Variants in PALB2 observed in about 807,000 individuals in gnomAD.
PALB2 encodes the protein partner and localizer of BRCA2, also known as mutant partner and localizer of BRCA2.
In PALB2, 82 loss-of-function variants were observed where a neutral mutation model predicts 107.4. The ratio of observed to expected loss-of-function variants is 0.76; its 90% CI spans 0.64 to 0.92. The LOEUF (loss-of-function observed/expected upper bound fraction) is 0.92. PALB2 is among the 40% of genes least tolerant of loss of function. The pLI, the probability that PALB2 is intolerant of heterozygous loss-of-function variation, is 0.00. For synonymous variants in PALB2, 489 were observed against 496.8 expected, an observed-to-expected ratio of 0.98 and a Z score of 0.21; for missense variants, 1,374 against 1,379.9, an observed-to-expected ratio of 1.00 and a Z score of 0.07.
rs515726108 is a variant in PALB2 at position 23,636,231 on chromosome 16, C to G, written c.315G>C (p.Glu105Asp). 3.3e-5 allele frequency: 53 copies of G among 1,613,684 alleles called. No homozygotes were observed. The highest frequency in any genetic ancestry group is 1.6e-4 in the East Asian group (7 of 44,884). ...CTGGGCCATCTCCAGGGTTAAAGGA[C>G]TCAGGCCCAACATCAAGTGTGATAG... ...KTSITLDVGP[E>D]SFNPGDGPGG... Residue 105 changes from glutamate to aspartate, a missense_variant, in exon 4 of 13, where the codon GAG (glutamate) becomes GAC (aspartate). Transcript: ENST00000261584.
In PALB2 at chr16:23,629,964, G is replaced by A. The variant is rs958771546; in HGVS notation, c.2190C>T (p.Ile730=). The change falls in exon 5 of 13, where the codon ATC becomes ATT. Residue 730 remains isoleucine (I), a synonymous_variant. Coordinates refer to ENST00000261584, the MANE Select transcript of PALB2 (RefSeq NM_024675.4). The part of the protein sequence containing the change: ...TTDMCSPAFP[I]LGTTPAFGPQ... ...GGCCAAAGGCTGGAGTAGTACCTAA[G>A]ATGGGGAAAGCAGGTGAACACATGT... 6.2e-7 allele frequency: 1 copy of A among 1,614,110 alleles called. No individual in the cohort carries two copies. Among genetic ancestry groups the A allele is most frequent in the South Asian group, 1.1e-5 (1 of 91,084 alleles).
intron 6 of PALB2, among the ~76,000 whole-genome samples, chr16:23,628,658 G>A (rs1025879009): frequency 6.6e-5 from 10 of 152,024 alleles, no homozygotes; most frequent in Admixed American, 3.3e-4. Flanking sequence ...TTTTATTTTT[G>A]AGACAGAGTC....
At chr16:23,615,733 C>G (rs566724694) in intron 10 of PALB2, among the ~76,000 whole-genome samples, 2 of 151,994 alleles carry the variant, frequency 1.3e-5, no homozygotes, top group Non-Finnish European at 2.9e-5. Flanking sequence ...GGCACAGCCT[C>G]GGCTCACTGC....
chr16:23,624,943 T>C (rs962842052), intron 7 of PALB2, among the ~76,000 whole-genome samples: 4 of 152,082 alleles, frequency 2.6e-5, no homozygotes, highest in Admixed American at 1.3e-4. Context: ...AGAAGCAAAA[T>C]AATGCCTTGG....
rs1310569612 is a variant in PALB2, at chr16:23,635,754, G to T, written c.792C>A (p.His264Gln). 1 of 1,614,124 alleles carries T rather than the reference G, an allele frequency of 6.2e-7. No homozygotes were observed. Among genetic ancestry groups the T allele is most frequent in the South Asian group, 1.1e-5 (1 of 91,086 alleles). Residue 264 changes from histidine to glutamine, a missense_variant, in exon 4 of 13, where the codon CAC (histidine) becomes CAA (glutamine). Transcript: ENST00000261584. The stretch of plus-strand genomic sequence containing the variant: ...GTTCACTGCTACCTTTAGGAGGAAT[G>T]TGTTCAAGGTGCTGACTACTACCGC... ...SDSGSSQHLE[H>Q]IPPKGSSELT... is the part of the protein sequence containing the mutation.
intron 7 of PALB2, among the ~76,000 whole-genome samples, chr16:23,624,617 G>C (rs906697868): frequency 5.3e-5 from 8 of 152,112 alleles, no homozygotes; most frequent in Non-Finnish European, 1.0e-4. Flanking sequence ...GGGTTCAAGC[G>C]ATTCTCCTGC....
chr16:23,631,765 G>T (rs1966880034), intron 4 of PALB2, among the ~76,000 whole-genome samples: 1 of 152,208 alleles, frequency 6.6e-6, no homozygotes, highest in Non-Finnish European at 1.5e-5. Context: ...CAGGCTGCCA[G>T]AGTATGTTCT....
intron 4 of PALB2, among the ~76,000 whole-genome samples, chr16:23,634,496 TA>T (rs1966933533): frequency 6.6e-6 from 1 of 151,998 alleles, no homozygotes; most frequent in Non-Finnish European, 1.5e-5. Flanking sequence ...CAAAAAATTT[TA>T]AAACATTAGC....
Position 23,603,337 on chromosome 16 carries a change from T to C in PALB2, c.*122A>G. The C allele has an allele frequency of 1.3e-6, 1 of 794,654 alleles. No individual in the cohort carries two copies. The highest frequency in any genetic ancestry group is 1.5e-5 in the South Asian group (1 of 66,888). 49.2% of individuals were successfully genotyped at this position (794,654 alleles called of 1,614,324 possible). ...ATCATTAGAATAAAAAATAAGTCTG[T>C]CTGGACATAAACAAGCAATCATTTT... is the stretch of plus-strand genomic sequence containing the variant. On this transcript the variant is annotated 3_prime_UTR_variant, in exon 13 of 13. Transcript: ENST00000261584.
At chr16:23,626,532 G>A in intron 6 of PALB2, 135 bp from the exon 7 acceptor site, 1 of 991,942 alleles carries the variant, frequency 1.0e-6, no homozygotes, top group South Asian at 1.5e-5. Flanking sequence ...CAGGTGAAAA[G>A]AAAGAGCTTT....
At chr16:23,639,228 T>A (rs1597102723) in intron 1 of PALB2, among the ~76,000 whole-genome samples, 3 of 151,778 alleles carry the variant, frequency 2.0e-5, no homozygotes, top group East Asian at 1.9e-4. Flanking sequence ...ATGCCTTTTT[T>A]AAAAAAAAGA....
intron 10 of PALB2, chr16:23,617,623 T>C (rs1449004000): frequency 6.6e-6 from 1 of 151,806 alleles, no homozygotes; most frequent in African/African-American, 2.4e-5. Flanking sequence ...CATGCATCTG[T>C]AGTCCTGCTA....
intron 10 of PALB2, among the ~76,000 whole-genome samples, chr16:23,614,514 A>G (rs1371432772): frequency 6.6e-6 from 1 of 152,196 alleles, no homozygotes; most frequent in African/African-American, 2.4e-5. Flanking sequence ...TTACAATTAT[A>G]TCTCTATTAC....
Position 23,635,878 on chromosome 16 carries a change from A to G in PALB2, c.668T>C (p.Ile223Thr), listed in dbSNP as rs150517167. 9.3e-6 allele frequency: 15 copies of G among 1,614,190 alleles called. No individual in the cohort carries two copies. The African/African-American group carries it at 2.0e-4, about 22-fold the overall frequency. Residue 223 changes from isoleucine to threonine, a missense_variant, in exon 4 of 13, where the codon ATT (isoleucine) becomes ACT (threonine). By Grantham distance (89) the Ile-to-Thr change is moderately conservative (BLOSUM62 -1). Transcript: ENST00000261584. ...VTEINEDSVL[I>T]PPTAQPEKGV... is the part of the protein sequence containing the mutation. Reference sequence around the variant, plus strand: ...TTTTTCTGGTTGGGCAGTTGGTGGAATTAATACACTGTCTTCATTAATTTC... The same window carrying G: ...TTTTTCTGGTTGGGCAGTTGGTGGAGTTAATACACTGTCTTCATTAATTTC...
chr16:23,617,164 T>C (rs761418742), intron 10 of PALB2, among the ~76,000 whole-genome samples: 5 of 152,106 alleles, frequency 3.3e-5, no homozygotes. Context: ...AAAAAGCCAC[T>C]TGACACTTGA....
chr16:23,638,366 C>G (rs1967119307), intron 1 of PALB2: 1 of 583,526 alleles, frequency 1.7e-6, no homozygotes, highest in Non-Finnish European at 3.1e-6. Flanking sequence ...TTCCTCAAAC[C>G]TTAGCTTAGA....
rs753767237 is a variant in PALB2, at chr16:23,624,094, C to G, written c.2749G>C (p.Val917Leu). 1 of 1,601,904 alleles carries G rather than the reference C, an allele frequency of 6.2e-7. No homozygotes were observed. Among genetic ancestry groups the G allele is most frequent in the East Asian group, 2.2e-5 (1 of 44,790 alleles). The change falls in exon 8 of 13, where the codon GTT becomes CTT. Residue 917 changes from valine (V) to leucine (L), a missense_variant and splice_region_variant. Physicochemically the swap from Val to Leu is conservative, Grantham distance 32. Coordinates refer to ENST00000261584, the MANE Select transcript of PALB2 (RefSeq NM_024675.4). ...ACTGGAACTATCTGTAATACTGGAA[C>G]CTAAATAAAACAAAGCAGCCAAAAA... ...EKLYTWHFAE[V>L]PVLQIVPVPD...
At position 23,612,760 on chromosome 16, in the gene PALB2, T is replaced by C. The variant is rs368722477; in HGVS notation, c.3201+1244A>G. Among the ~76,000 whole-genome samples the C allele has an allele frequency of 2.1e-4, 32 of 152,070 alleles. No homozygotes were observed. In the East Asian group the frequency reaches 5.6e-3, roughly 27 times the overall value. On this transcript the variant is annotated intron_variant, in intron 11 of 12. Transcript: ENST00000261584. ...CCAAGGTAAAACTTTTTTTTTTTCT[T>C]TTTGTTTTTTGAGACGGAGTCTCGC...
chr16:23,632,820 C>G (rs902115058), intron 4 of PALB2, among the ~76,000 whole-genome samples: 1 of 152,138 alleles, frequency 6.6e-6, no homozygotes, highest in Non-Finnish European at 1.5e-5. Flanking sequence ...CTGGCTGGGC[C>G]TGGTGGCTCA....
Sources: gnomAD v4.1 joint callset for allele counts (sites outside exome capture counted in the v4.1 genomes callset) on GRCh38, gnomAD v4.1.1 for gene constraint, MANE v1.5 for transcripts, NCBI Gene and HGNC (gene_info 2026-07-23, HGNC 2026-07-21) for gene names.